The following PCDH11X variants were observed in gnomAD, a reference collection of about 807,000 sequenced individuals.
The protein encoded by PCDH11X is protocadherin 11 X-linked.
In PCDH11X, 18 loss-of-function variants were observed where a neutral mutation model predicts 53.3. That is an observed-to-expected ratio of 0.34 (90% CI 0.23 to 0.50). The LOEUF is 0.50. Ranked by LOEUF, PCDH11X falls within the 20% of genes least tolerant of loss-of-function variation. The pLI is 0.98. For missense variants in PCDH11X, 570 were observed against 1,032.4 expected, an observed-to-expected ratio of 0.55 and a Z score of 6.14; for synonymous variants, 279 against 393.3, an observed-to-expected ratio of 0.71 and a Z score of 3.44.
At chrX:92,611,327 T>C (rs1024906107) in intron 10 of PCDH11X, among the ~76,000 whole-genome samples, 1 of 110,323 alleles carries the variant, frequency 9.1e-6, no homozygotes, top group Admixed American at 9.7e-5. Flanking sequence ...CTGCCTTGGT[T>C]AGATTTATTC....
chrX:92,391,725 T>G (rs1165650906), intron 9 of PCDH11X, among the ~76,000 whole-genome samples: 2 of 111,342 alleles, frequency 1.8e-5, no homozygotes. Context: ...AAATAGAGAA[T>G]GCATTGCTGC....
intron 6 of PCDH11X, among the ~76,000 whole-genome samples, chrX:91,904,056 GT>G (rs1396602980): frequency 1.8e-5 from 2 of 109,558 alleles, no homozygotes; most frequent in Non-Finnish European, 3.8e-5. Context: ...ATGTGTAGAT[GT>G]TTTACATGTA....
At chrX:92,412,552 T>TATAGATAG (rs1372159068) in intron 9 of PCDH11X, among the ~76,000 whole-genome samples, 4 of 85,798 alleles carry the variant, frequency 4.7e-5, no homozygotes, top group African/African-American at 4.1e-5. Context: ...TATATATATA[T>TATAGATAG]ATAGATAAAG....
At chrX:92,286,887 G>A (rs929514550) in intron 8 of PCDH11X, among the ~76,000 whole-genome samples, 1 of 93,900 alleles carries the variant, frequency 1.1e-5, no homozygotes, top group African/African-American at 3.9e-5. Flanking sequence ...TTGTAAGATG[G>A]GAATAATAAT....
chrX:91,921,000 T>G (rs1035166741), intron 6 of PCDH11X, among the ~76,000 whole-genome samples: 1 of 111,689 alleles, frequency 9.0e-6, no homozygotes, highest in African/African-American at 3.2e-5. Flanking sequence ...TTTGACTATA[T>G]GGATTTCCAG....
In PCDH11X at chrX:91,863,221, T is replaced by C. The variant is rs779112885; in HGVS notation, c.541-13560T>C. On this transcript the variant is annotated intron_variant, in intron 5 of 10. Transcript: ENST00000682573. ...GGGGCATTGAAGTCTCTAGCTATTA[T>C]TGTACTTGGGACAATCTCTTTTTAG... Among the ~76,000 whole-genome samples the C allele has an allele frequency of 7.0e-3, 746 of 106,790 alleles. 11 individuals carry two copies. The highest frequency in any genetic ancestry group is 0.021 in the African/African-American group (618 of 29,390). 92.7% of individuals were successfully genotyped at this position (106,790 alleles called of 115,157 possible). A position where few individuals can be genotyped will look rare whatever the true frequency, so the allele number is the denominator to read the frequency against.
At chrX:92,326,639 T>TATATATATATATATAG (rs758088746) in intron 8 of PCDH11X, among the ~76,000 whole-genome samples, 17 of 39,295 alleles carry the variant, frequency 4.3e-4, no homozygotes, top group South Asian at 4.7e-3. Flanking sequence ...TATATATATA[T>TATATATATATATATAG]AGAGAGAGAG....
At chrX:92,185,253 T>A (rs2066071016) in intron 6 of PCDH11X, among the ~76,000 whole-genome samples, 1 of 110,166 alleles carries the variant, frequency 9.1e-6, no homozygotes. Flanking sequence ...GTCTAAAAAA[T>A]TAAAAATTTA....
At chrX:92,258,375 T>A (rs750019448) in intron 7 of PCDH11X, among the ~76,000 whole-genome samples, 8 of 107,187 alleles carry the variant, frequency 7.5e-5, no homozygotes, top group African/African-American at 2.7e-4. Flanking sequence ...TTCTTTTTTT[T>A]TTTTTTTTTT....
chrX:92,395,788 A>G (rs958062509), intron 9 of PCDH11X, among the ~76,000 whole-genome samples: 1 of 110,675 alleles, frequency 9.0e-6, no homozygotes, highest in Non-Finnish European at 1.9e-5. Flanking sequence ...ATCGTGTTCT[A>G]AAATAAGAGT....
At chrX:91,985,292 G>C (rs2062211325) in intron 6 of PCDH11X, among the ~76,000 whole-genome samples, 1 of 111,919 alleles carries the variant, frequency 8.9e-6, no homozygotes, top group South Asian at 3.7e-4. Context: ...GGATCACAAG[G>C]TCAGGGTTTT....
chrX:92,507,741 G>C (rs144953469), intron 10 of PCDH11X, among the ~76,000 whole-genome samples: 2 of 111,240 alleles, frequency 1.8e-5, no homozygotes, highest in East Asian at 5.6e-4. Flanking sequence ...GCTCCTAAGA[G>C]AATGTGAATT....
intron 7 of PCDH11X, among the ~76,000 whole-genome samples, chrX:92,206,316 A>G (rs1264719575): frequency 9.0e-6 from 1 of 111,694 alleles, no homozygotes; most frequent in African/African-American, 3.3e-5. Context: ...TCTTATTTTT[A>G]ACAAGATATT....
chrX:92,229,808 G>C (rs1446632754), intron 7 of PCDH11X, among the ~76,000 whole-genome samples: 1 of 111,067 alleles, frequency 9.0e-6, no homozygotes, highest in Non-Finnish European at 1.9e-5. Flanking sequence ...CTGGAAACAT[G>C]ACCAAACTTA....
At chrX:92,175,776 G>GTGTGTGTGTGTA (rs779454685) in intron 6 of PCDH11X, among the ~76,000 whole-genome samples, 12 of 79,262 alleles carry the variant, frequency 1.5e-4, no homozygotes, top group Admixed American at 7.4e-4. Flanking sequence ...GTGTGTGTGT[G>GTGTGTGTGTGTA]TATATATATA....
intron 6 of PCDH11X, among the ~76,000 whole-genome samples, chrX:92,047,945 G>A (rs1484636808): frequency 2.7e-5 from 3 of 111,533 alleles, no homozygotes; most frequent in Admixed American, 9.6e-5. Flanking sequence ...ATGGAAAGCT[G>A]CCTGGGAGGG....
At chrX:92,543,835 T>C (rs2074800024) in intron 10 of PCDH11X, among the ~76,000 whole-genome samples, 1 of 108,411 alleles carries the variant, frequency 9.2e-6, no homozygotes, top group Non-Finnish European at 1.9e-5. Context: ...GGAAATACTA[T>C]ACTCAAACAA....
intron 9 of PCDH11X, among the ~76,000 whole-genome samples, chrX:92,424,758 T>C (rs1163204380): frequency 1.0e-5 from 1 of 97,863 alleles, no homozygotes; most frequent in African/African-American, 3.3e-5. Flanking sequence ...GTTTTGACTC[T>C]TTTTCTAAAC....
At chrX:92,576,021 C>T (rs1922912328) in intron 10 of PCDH11X, among the ~76,000 whole-genome samples, 2 of 85,898 alleles carry the variant, frequency 2.3e-5, no homozygotes, top group East Asian at 3.9e-4. Flanking sequence ...TACACACACA[C>T]ACACACACAC....
Sources: gnomAD v4.1 joint callset for allele counts (sites outside exome capture counted in the v4.1 genomes callset) on GRCh38, gnomAD v4.1.1 for gene constraint, MANE v1.5 for transcripts, NCBI Gene and HGNC (gene_info 2026-07-23, HGNC 2026-07-21) for gene names.